EIF4G3: variants seen among roughly 807,000 people sequenced by gnomAD.
The protein encoded by EIF4G3 is eIF-4-gamma 3.
EIF4G3 carries 34 observed loss-of-function variants against 186.4 expected under a neutral mutation model. The ratio of observed to expected loss-of-function variants is 0.18; its 90% confidence interval spans 0.14 to 0.24. The LOEUF (loss-of-function observed/expected upper bound fraction) is 0.24, where lower values mean the gene tolerates loss of function less well. Among genes scored for constraint, EIF4G3 ranks in the 10% least tolerant of loss-of-function variants. The pLI is 1.00. For missense variants in EIF4G3, 1,536 were observed against 1,948.5 expected (o/e 0.79, Z 3.99); for synonymous variants, 673 against 679.5 (o/e 0.99, Z 0.15).
chr1:21,126,140 G>A (rs942057189), intron 2 of EIF4G3, among the ~76,000 whole-genome samples: 1 of 151,318 alleles, frequency 6.6e-6, no homozygotes, highest in African/African-American at 2.4e-5. Flanking sequence ...CCAGGAAGTC[G>A]AGGCTACAGC....
In EIF4G3 at chr1:21,038,950, T is replaced by C. The variant is rs577374521; in HGVS notation, c.-67+11916A>G. 3.3e-5 allele frequency among the ~76,000 whole-genome samples: 5 copies of C among 152,220 alleles called. No individual in the cohort carries two copies. The East Asian group carries it at 9.6e-4, about 29-fold the overall frequency. On this transcript the variant is annotated intron_variant, in intron 4 of 36. Transcript: ENST00000602326. ...ATTTTGGGAAAATAGAAAAGCCCATTCTAAAATTCATATGGAATCTCAAGG... is the reference window on the plus strand; with the variant it reads ...ATTTTGGGAAAATAGAAAAGCCCATCCTAAAATTCATATGGAATCTCAAGG...
At chr1:20,947,580 GAGAA>G (rs35046651) in intron 13 of EIF4G3, among the ~76,000 whole-genome samples, 29 of 150,996 alleles carry the variant, frequency 1.9e-4, no homozygotes, top group Admixed American at 5.9e-4. Flanking sequence ...GAGAGAGCAA[GAGAA>G]AGAAAGAAAG....
chr1:20,849,463 C>T lies in EIF4G3; in HGVS notation c.3840G>A (p.Arg1280=). Residue 1280 remains arginine, a synonymous_variant, in exon 29 of 37, where the codon AGG becomes AGA. Transcript: ENST00000602326. ...KAALSEEELE[R]KSKSIIDEFL... is the part of the protein sequence containing the mutation. ...ATTCATCAATGATAGATTTCGACTTCCTCTCCAGTTCCTCTTCTGATAATG... is the reference window on the plus strand; with the variant it reads ...ATTCATCAATGATAGATTTCGACTTTCTCTCCAGTTCCTCTTCTGATAATG... 6.4e-7 allele frequency: 1 copy of T among 1,561,286 alleles called. No homozygotes were observed. The highest frequency in any genetic ancestry group is 2.4e-5 in the East Asian group (1 of 41,904).
chr1:20,989,425 G>A (rs1393960165), intron 7 of EIF4G3, among the ~76,000 whole-genome samples: 1 of 151,234 alleles, frequency 6.6e-6, no homozygotes, highest in Non-Finnish European at 1.5e-5. Flanking sequence ...CGCATGGTGG[G>A]AGATGCCTGT....
At chr1:21,108,959 G>A (rs1490849421) in intron 2 of EIF4G3, among the ~76,000 whole-genome samples, 1 of 150,268 alleles carries the variant, frequency 6.7e-6, no homozygotes, top group East Asian at 2.0e-4. Context: ...CTCAATGCCT[G>A]TAAATCCCAG....
intron 3 of EIF4G3, among the ~76,000 whole-genome samples, chr1:21,052,126 T>A (rs1355946841): frequency 6.6e-6 from 1 of 152,188 alleles, no homozygotes; most frequent in Non-Finnish European, 1.5e-5. Context: ...TGAAAAATAA[T>A]CAGCATGTTT....
intron 2 of EIF4G3, among the ~76,000 whole-genome samples, chr1:21,163,130 T>G (rs2097793047): frequency 6.6e-6 from 1 of 152,178 alleles, no homozygotes; most frequent in African/African-American, 2.4e-5. Context: ...AATGCATACT[T>G]ATGTTTGGAT....
intron 14 of EIF4G3, among the ~76,000 whole-genome samples, chr1:20,912,826 G>A (rs1305715132): frequency 5.9e-5 from 9 of 152,092 alleles, no homozygotes; most frequent in Admixed American, 5.9e-4. Context: ...GTTCCTATAG[G>A]CTGTGAATCC....
intron 3 of EIF4G3, among the ~76,000 whole-genome samples, chr1:21,083,546 A>G (rs1459196683): frequency 1.3e-5 from 2 of 150,878 alleles, no homozygotes; most frequent in Non-Finnish European, 3.0e-5. Context: ...CTGGTTTCAA[A>G]CTCCTGAGCT....
intron 4 of EIF4G3, among the ~76,000 whole-genome samples, chr1:21,014,051 T>C (rs1328377821): frequency 6.6e-6 from 1 of 152,056 alleles, no homozygotes; most frequent in East Asian, 1.9e-4. Flanking sequence ...GTGCCTATAA[T>C]CCCAGCTACT....
chr1:20,851,608 G>C (rs527480810), intron 27 of EIF4G3, 130 bp from the exon 28 acceptor site: 5 of 748,150 alleles, frequency 6.7e-6, no homozygotes, highest in Non-Finnish European at 1.1e-5. Context: ...AGATGTGTGA[G>C]GCACCAATTA....
chr1:20,821,646 A>G (rs2062389051), intron 33 of EIF4G3, among the ~76,000 whole-genome samples: 1 of 151,696 alleles, frequency 6.6e-6, no homozygotes, highest in Admixed American at 6.6e-5. Context: ...TCTGTTATGT[A>G]TACTTCACCA....
At chr1:21,099,493 TA>T (rs2096466735) in intron 2 of EIF4G3, among the ~76,000 whole-genome samples, 1 of 152,208 alleles carries the variant, frequency 6.6e-6, no homozygotes, top group Non-Finnish European at 1.5e-5. Context: ...CTAATTATTT[TA>T]AGTAAAAGAA....
At chr1:21,066,704 C>T (rs2095255408) in intron 3 of EIF4G3, among the ~76,000 whole-genome samples, 3 of 152,120 alleles carry the variant, frequency 2.0e-5, no homozygotes, top group South Asian at 2.1e-4. Flanking sequence ...AAAAACTGAT[C>T]GTTCTATTCA....
chr1:20,817,668 T>C (rs2061396017), intron 33 of EIF4G3, 130 bp from the exon 34 acceptor site: 2 of 490,410 alleles, frequency 4.1e-6, no homozygotes, highest in South Asian at 7.0e-5. Context: ...GCAGAGGCTA[T>C]TTTATGTTTG....
chr1:20,842,946 G>A (rs921826407), intron 29 of EIF4G3, among the ~76,000 whole-genome samples: 1 of 151,424 alleles, frequency 6.6e-6, no homozygotes, highest in African/African-American at 2.4e-5. Context: ...CCAGGCTCAG[G>A]CAATCCTCCC....
At chr1:20,864,302 C>CT (rs2077094921) in intron 22 of EIF4G3, among the ~76,000 whole-genome samples, 174 bp downstream of exon 22, 2 of 152,154 alleles carry the variant, frequency 1.3e-5, no homozygotes, top group Admixed American at 6.5e-5. Context: ...ATCTCTGACT[C>CT]TGATGGAAAT....
intron 2 of EIF4G3, among the ~76,000 whole-genome samples, chr1:21,172,513 GC>G (rs1360744421): frequency 3.3e-5 from 5 of 152,104 alleles, no homozygotes; most frequent in Non-Finnish European, 7.3e-5. Flanking sequence ...ATCTATTGAA[GC>G]CTCAATATAA....
At position 20,857,512 on chromosome 1, in the gene EIF4G3, G is replaced by C. The variant is rs1012262125; in HGVS notation, c.3245-15C>G. Reference sequence around the variant, plus strand: ...TCTCTGGACACCTGCAGGGAGAACAGAGTGGGAGTCTCTCATCTGTCTCAA... The same window carrying C: ...TCTCTGGACACCTGCAGGGAGAACACAGTGGGAGTCTCTCATCTGTCTCAA... On this transcript the variant is annotated splice_polypyrimidine_tract_variant and intron_variant, in intron 24 of 36. Coordinates refer to ENST00000602326, the MANE Select transcript of EIF4G3 (RefSeq NM_001391906.1). 1.2e-6 allele frequency: 2 copies of C among 1,600,890 alleles called. No individual in the cohort carries two copies. The highest frequency in any genetic ancestry group is 1.3e-5 in the African/African-American group (1 of 74,676).
Sources: allele counts gnomAD v4.1 joint callset (sites outside exome capture counted in the v4.1 genomes callset), GRCh38; gene constraint gnomAD v4.1.1; transcripts MANE v1.5; gene names NCBI Gene and HGNC (gene_info 2026-07-23, HGNC 2026-07-21).